The following EVI5 variants were observed in gnomAD, a reference collection of about 807,000 sequenced individuals.
EVI5 encodes ecotropic viral integration site 5, also known as ecotropic viral integration site 5 protein homolog.
A neutral mutation model predicts 112.0 loss-of-function variants in EVI5; 73 were observed. The ratio of observed to expected loss-of-function variants is 0.65; its 90% CI spans 0.54 to 0.79. The LOEUF is 0.79. Among genes scored for constraint, EVI5 ranks in the 30% least tolerant of loss-of-function variants. The probability of loss-of-function intolerance (pLI) is 0.00; values close to 1 mark genes in which losing one functional copy is unlikely to be tolerated. For synonymous variants in EVI5, 305 were observed against 319.9 expected (o/e 0.95, Z 0.50); for missense variants, 900 against 968.8 (o/e 0.93, Z 0.94).
At chr1:92,561,651 AT>A (rs1668641556) in intron 19 of EVI5, among the ~76,000 whole-genome samples, 1 of 147,904 alleles carries the variant, frequency 6.8e-6, no homozygotes, top group African/African-American at 2.5e-5. Context: ...CTATCTATCT[AT>A]CTATCTATCT....
chr1:92,745,978 C>T (rs536116815), intron 1 of EVI5, among the ~76,000 whole-genome samples: 16 of 152,298 alleles, frequency 1.1e-4, no homozygotes, highest in African/African-American at 3.4e-4. Flanking sequence ...CAAAGAGCAA[C>T]CTAACTTAGT....
At chr1:92,660,266 T>C (rs1206368819) in intron 13 of EVI5, among the ~76,000 whole-genome samples, 2 of 152,046 alleles carry the variant, frequency 1.3e-5, no homozygotes, top group African/African-American at 4.8e-5. Flanking sequence ...GAAATTGTCA[T>C]TTGTGACAAC....
chr1:92,596,973 C>T (rs537275696), intron 18 of EVI5, among the ~76,000 whole-genome samples: 1 of 152,164 alleles, frequency 6.6e-6, no homozygotes, highest in East Asian at 1.9e-4. Flanking sequence ...CAAGAAAGAA[C>T]ACTTTACATG....
chr1:92,624,535 A>C (rs1451233546), intron 15 of EVI5, among the ~76,000 whole-genome samples: 2 of 151,944 alleles, frequency 1.3e-5, no homozygotes, highest in South Asian at 2.1e-4. Flanking sequence ...GCAGATCTTA[A>C]GTATATTTAA....
At chr1:92,570,794 G>A (rs1670214732) in intron 18 of EVI5, among the ~76,000 whole-genome samples, 1 of 152,078 alleles carries the variant, frequency 6.6e-6, no homozygotes, top group Non-Finnish European at 1.5e-5. Context: ...TTTTCCAAAG[G>A]TGGGTCTTAG....
intron 10 of EVI5, among the ~76,000 whole-genome samples, chr1:92,673,145 T>C (rs1666146004): frequency 6.6e-6 from 1 of 151,846 alleles, no homozygotes; most frequent in Non-Finnish European, 1.5e-5. Context: ...TCACATTGAT[T>C]GTTAAAATGT....
chr1:92,740,950 C>T (rs1406635232), intron 1 of EVI5, among the ~76,000 whole-genome samples: 1 of 152,146 alleles, frequency 6.6e-6, no homozygotes, highest in Non-Finnish European at 1.5e-5. Context: ...GCCTTCTGCG[C>T]TACCTAAACT....
At chr1:92,634,659 G>A (rs1257602337) in intron 14 of EVI5, among the ~76,000 whole-genome samples, 1 of 152,170 alleles carries the variant, frequency 6.6e-6, no homozygotes, top group Admixed American at 6.5e-5. Context: ...TTGGTCGTCT[G>A]AAGCCTTCTT....
At chr1:92,622,704 T>C (rs1654853881) in intron 16 of EVI5, among the ~76,000 whole-genome samples, 1 of 152,228 alleles carries the variant, frequency 6.6e-6, no homozygotes, top group South Asian at 2.1e-4. Flanking sequence ...TTACCACCAG[T>C]CCAAATACTG....
intron 16 of EVI5, among the ~76,000 whole-genome samples, chr1:92,616,891 C>G (rs982052756): frequency 2.0e-5 from 3 of 152,142 alleles, no homozygotes; most frequent in African/African-American, 7.2e-5. Context: ...CAGCAGCACT[C>G]CATCATCAAA....
chr1:92,731,833 A>G (rs142806804), intron 2 of EVI5, among the ~76,000 whole-genome samples: 1 of 152,332 alleles, frequency 6.6e-6, no homozygotes, highest in African/African-American at 2.4e-5. Flanking sequence ...GAATAATTAG[A>G]TGTCCATATT....
intron 8 of EVI5, 131 bp downstream of exon 8, chr1:92,694,168 G>A (rs1007949693): frequency 9.6e-6 from 6 of 627,124 alleles, no homozygotes; most frequent in Non-Finnish European, 1.4e-5. Context: ...AGGCTGAAGC[G>A]GTAGGAGGAT....
intron 2 of EVI5, among the ~76,000 whole-genome samples, chr1:92,735,649 T>TGAC (rs529319677): frequency 1.3e-3 from 3 of 2,356 alleles, no homozygotes; most frequent in Non-Finnish European, 2.2e-3. Flanking sequence ...CATATATATA[T>TGAC]ATAATTATAT....
chr1:92,660,121 A>G (rs1663721249), intron 13 of EVI5, among the ~76,000 whole-genome samples: 1 of 152,020 alleles, frequency 6.6e-6, no homozygotes, highest in South Asian at 2.1e-4. Context: ...TAACTCATGG[A>G]TACAATATAT....
At chr1:92,603,150 C>T (rs1649551579) in intron 18 of EVI5, among the ~76,000 whole-genome samples, 1 of 152,122 alleles carries the variant, frequency 6.6e-6, no homozygotes, top group Admixed American at 6.5e-5. Flanking sequence ...AATGAGATAC[C>T]ACTTCACACC....
At chr1:92,722,214 CTGTTAT>C in intron 2 of EVI5, among the ~76,000 whole-genome samples, 1 of 152,204 alleles carries the variant, frequency 6.6e-6, no homozygotes, top group South Asian at 2.1e-4. Flanking sequence ...ATATAATATA[CTGTTAT>C]TAACAATAGT....
rs1188277074 is a variant in EVI5, at chr1:92,513,654, G to C, written c.*2C>G. On this transcript the variant is annotated 3_prime_UTR_variant, in exon 20 of 20. Transcript: ENST00000684568. ...AATCCATAGTCTAGGTCACAGTGAT[G>C]GTCAGACAGTGGTTGAATACGACTC... 6.3e-7 allele frequency: 1 copy of C among 1,589,738 alleles called. No homozygotes were observed. Among genetic ancestry groups the C allele is most frequent in the African/African-American group, 1.4e-5 (1 of 72,986 alleles).
chr1:92,692,898 C>T (rs1669717465), intron 9 of EVI5, among the ~76,000 whole-genome samples: 1 of 152,150 alleles, frequency 6.6e-6, no homozygotes, highest in African/African-American at 2.4e-5. Context: ...CTAACTATGA[C>T]CGCAGGCTAA....
intron 13 of EVI5, among the ~76,000 whole-genome samples, chr1:92,643,425 A>G (rs560895383): frequency 6.6e-6 from 1 of 150,884 alleles, no homozygotes; most frequent in African/African-American, 2.4e-5. Context: ...ACTTTTAGGC[A>G]TGTGCCACCA....
Sources: allele counts gnomAD v4.1 joint callset (sites outside exome capture counted in the v4.1 genomes callset), GRCh38; gene constraint gnomAD v4.1.1; transcripts MANE v1.5; gene names NCBI Gene and HGNC (gene_info 2026-07-23, HGNC 2026-07-21).